The following PFKM variants were observed in gnomAD, a reference collection of about 807,000 sequenced individuals.
PFKM encodes the protein phosphofructokinase, muscle.
In PFKM, 58 loss-of-function variants were observed where a neutral mutation model predicts 95.5. The ratio of observed to expected loss-of-function variants is 0.61; its 90% confidence interval spans 0.49 to 0.76. PFKM has a LOEUF of 0.76. Ranked by LOEUF, PFKM falls within the 30% of genes least tolerant of loss-of-function variation. The probability of loss-of-function intolerance (pLI) is 0.00; values close to 1 mark genes in which losing one functional copy is unlikely to be tolerated. For missense variants in PFKM, 678 were observed against 1,005.4 expected (o/e 0.67, Z 4.40); for synonymous variants, 336 against 357.2 (o/e 0.94, Z 0.67).
At chr12:48,140,056 A>G (rs1950444329) in intron 13 of PFKM, 144 bp downstream of exon 13, 8 of 656,718 alleles carry the variant, frequency 1.2e-5, no homozygotes, top group Non-Finnish European at 2.2e-5. Flanking sequence ...CCCTGGCCCT[A>G]TTATAATGAT....
chr12:48,126,048 G>A (rs1006422783), intron 2 of PFKM, among the ~76,000 whole-genome samples: 2 of 152,014 alleles, frequency 1.3e-5, no homozygotes, highest in African/African-American at 4.8e-5. Flanking sequence ...TTCCCAATAT[G>A]CCGTAATTGG....
At chr12:48,119,444 C>T in intron 1 of PFKM, 38 bp downstream of exon 1, 3 of 983,018 alleles carry the variant, frequency 3.1e-6, no homozygotes, top group Non-Finnish European at 3.6e-6. Context: ...AGGGGGAGAG[C>T]TGGGAGTGAG....
chr12:48,122,939 T>C, intron 2 of PFKM, 80 bp downstream of exon 2: 1 of 1,385,740 alleles, frequency 7.2e-7, no homozygotes, highest in Non-Finnish European at 1.0e-6. Flanking sequence ...AATAGAATTA[T>C]TCTTCTGTAG....
chr12:48,133,587 G>A (rs754336567), intron 6 of PFKM, 107 bp downstream of exon 6: 90 of 1,013,614 alleles, frequency 8.9e-5, no homozygotes, highest in Non-Finnish European at 1.2e-4. Flanking sequence ...TGACTATAAT[G>A]GCCAGTTTTC....
upstream of PFKM, among the ~76,000 whole-genome samples, chr12:48,114,763 T>G (rs1451984595): frequency 6.6e-6 from 1 of 152,146 alleles, no homozygotes; most frequent in Non-Finnish European, 1.5e-5. Context: ...CATTTGCCCA[T>G]TTTTTCAACA....
chr12:48,105,572 G>C, upstream of PFKM: 1 of 489,476 alleles, frequency 2.0e-6, no homozygotes, highest in Non-Finnish European at 4.1e-6. Context: ...CGCAGAAGTA[G>C]TCAAGAAATA....
intron 1 of PFKM, chr12:48,106,376 G>T (rs1177078402): frequency 4.2e-6 from 2 of 471,798 alleles, no homozygotes; most frequent in African/African-American, 4.1e-5. Flanking sequence ...CCGCCTTCTG[G>T]TTCCGCCCGG....
intron 3 of PFKM, among the ~76,000 whole-genome samples, chr12:48,111,684 C>CAGGGTGAGGAACAGGAAAGA (rs1947202175): frequency 6.6e-6 from 1 of 152,080 alleles, no homozygotes; most frequent in African/African-American, 2.4e-5. Flanking sequence ...CAAGTGTGAT[C>CAGGGTGAGGAACAGGAAAGA]AGGGTGAGGA....
At chr12:48,110,137 T>C (rs903179224) in intron 3 of PFKM, among the ~76,000 whole-genome samples, 5 of 152,104 alleles carry the variant, frequency 3.3e-5, no homozygotes, top group African/African-American at 1.2e-4. Flanking sequence ...AAAACCTTTC[T>C]CAGGAAGACC....
At chr12:48,121,573 C>T (rs1948275158) in intron 1 of PFKM, among the ~76,000 whole-genome samples, 1 of 152,102 alleles carries the variant, frequency 6.6e-6, no homozygotes, top group South Asian at 2.1e-4. Flanking sequence ...TCTCCAAATG[C>T]AGGGTAGAAG....
At position 48,134,966 on chromosome 12, in the gene PFKM, C is replaced by T. The variant is rs1437929094; in HGVS notation, c.771C>T (p.Leu257=). 1 of 1,614,032 alleles carries T rather than the reference C, an allele frequency of 6.2e-7. No individual in the cohort carries two copies. Among genetic ancestry groups the T allele is most frequent in the Non-Finnish European group, 8.5e-7 (1 of 1,179,916 alleles). The change falls in exon 9 of 23, where the codon CTC becomes CTT. Residue 257 remains leucine, a synonymous_variant. Coordinates refer to ENST00000359794, the MANE Select transcript of PFKM (RefSeq NM_000289.6). ...AGACAAGGACCCGTGGTTCTCGTCT[C>T]AACATCATCATTGTGGCTGAGGGTG... ...LSETRTRGSR[L]NIIIVAEGAI...
intron 1 of PFKM, among the ~76,000 whole-genome samples, chr12:48,120,424 G>T (rs1252691351): frequency 6.6e-6 from 1 of 152,140 alleles, no homozygotes; most frequent in Non-Finnish European, 1.5e-5. Flanking sequence ...CAAGTCTTTA[G>T]TGAGCTGTGG....
At chr12:48,128,070 G>T (rs1487847526) in intron 2 of PFKM, among the ~76,000 whole-genome samples, 2 of 151,876 alleles carry the variant, frequency 1.3e-5, no homozygotes, top group African/African-American at 4.8e-5. Context: ...GTTATTTTTT[G>T]ACCCTCACCT....
rs1281506531 is a variant in PFKM at position 48,133,302 on chromosome 12, T to A, written c.428-13T>A. 1.2e-6 allele frequency: 2 copies of A among 1,613,542 alleles called. No homozygotes were observed. The highest frequency in any genetic ancestry group is 1.7e-5 in the Admixed American group (1 of 60,004). On this transcript the variant is annotated splice_polypyrimidine_tract_variant and intron_variant, in intron 5 of 22. Transcript: ENST00000359794. Reference sequence around the variant, plus strand: ...CCTCACCCAGTGGCTCCTGGTTTGCTTCTCATTGTCAGGTAAGATCACAGA... The same window carrying A: ...CCTCACCCAGTGGCTCCTGGTTTGCATCTCATTGTCAGGTAAGATCACAGA...
chr12:48,130,355 C>T lies in PFKM; in HGVS notation c.86-8C>T. 6.2e-7 allele frequency: 1 copy of T among 1,611,602 alleles called. No homozygotes were observed. Among genetic ancestry groups the T allele is most frequent in the South Asian group, 1.1e-5 (1 of 91,040 alleles). On this transcript the variant is annotated splice_polypyrimidine_tract_variant and splice_region_variant and intron_variant, in intron 2 of 22. Coordinates refer to ENST00000359794, the MANE Select transcript of PFKM (RefSeq NM_000289.6). ...CCTCTCCGTGACTTCTTTTGTCCCT[C>T]CTTTCAGGTATGAATGCTGCTGTCA...
intron 2 of PFKM, among the ~76,000 whole-genome samples, chr12:48,123,568 T>C (rs1384564806): frequency 6.6e-6 from 1 of 152,216 alleles, no homozygotes; most frequent in African/African-American, 2.4e-5. Context: ...TCTTCTGATA[T>C]ATTCTGATAC....
rs898954766 is a variant in PFKM, at chr12:48,119,396, A to G, written c.-19A>G. The stretch of plus-strand genomic sequence containing the variant: ...AAGAAAGCAGCGGCGGAGGAGAGCT[A>G]AGACTAAAAGGCAAGAGGGGCCATT... On this transcript the variant is annotated 5_prime_UTR_variant, in exon 1 of 23. Transcript: ENST00000359794. 2.0e-6 allele frequency: 2 copies of G among 985,936 alleles called. No individual in the cohort carries two copies. The highest frequency in any genetic ancestry group is 9.4e-5 in the South Asian group (2 of 21,292). The allele number at this position is 985,936 out of a possible 1,614,324, so 61.1% of individuals were successfully genotyped here. A position where few individuals can be genotyped will look rare whatever the true frequency, so the allele number is the denominator to read the frequency against.
chr12:48,145,704 T>C lies in PFKM; in HGVS notation c.2339T>C (p.Val780Ala). 1.9e-6 allele frequency: 3 copies of C among 1,614,122 alleles called. No individual in the cohort carries two copies. The highest frequency in any genetic ancestry group is 2.5e-6 in the Non-Finnish European group (3 of 1,180,002). The stretch of plus-strand genomic sequence containing the variant: ...CGGAAGCGGTCCGGGGAAGCTGCCG[T>C]CTAAACCTCTCTGGAGTGAGGGGAA... ...ITRKRSGEAA[V>A] is the part of the protein sequence containing the mutation. The change falls in exon 23 of 23, where the codon GTC becomes GCC. Residue 780 changes from valine to alanine, a missense_variant. By Grantham distance (64) the Val-to-Ala change is moderately conservative (BLOSUM62 0). Coordinates refer to ENST00000359794, the MANE Select transcript of PFKM (RefSeq NM_000289.6). This position sits in a 1 kb window ranked among gnomAD's most constrained non-coding sequence, Gnocchi z 4.3.
chr12:48,118,676 C>A, upstream of PFKM: 1 of 716,080 alleles, frequency 1.4e-6, no homozygotes, highest in Non-Finnish European at 2.5e-6. Context: ...TATATGTTTG[C>A]TTCACTGCCA....
Sources: gnomAD v4.1 joint callset for allele counts (sites outside exome capture counted in the v4.1 genomes callset) on GRCh38, gnomAD v4.1.1 for gene constraint, Gnocchi (gnomAD v3.1) non-coding constraint, MANE v1.5 for transcripts, NCBI Gene and HGNC (gene_info 2026-07-23, HGNC 2026-07-21) for gene names.